Variants in KLHL25 observed in about 807,000 individuals in gnomAD.
The protein encoded by KLHL25 is kelch-like protein 25.
Under a neutral mutation model 30.0 loss-of-function variants are expected in KLHL25, and 41 were observed. The ratio of observed to expected loss-of-function variants is 1.37; its 90% CI spans 1.07 to 1.78. The LOEUF (loss-of-function observed/expected upper bound fraction) is 1.78. KLHL25 is among the 40% of genes most tolerant of loss of function. KLHL25 has a pLI of 0.00. For missense variants in KLHL25, 971 were observed against 824.5 expected (o/e 1.18, Z -2.18); for synonymous variants, 399 against 355.3 (o/e 1.12, Z -1.38).
At chr15:85,765,670 T>G in intron 2 of KLHL25, among the ~76,000 whole-genome samples, 1 of 109,768 alleles carries the variant, frequency 9.1e-6, no homozygotes, top group Non-Finnish European at 1.9e-5. Context: ...AGAAAAGCTG[T>G]AAAAGAAAAA....
Position 85,760,765 on chromosome 15 carries a change from T to TA in KLHL25, c.*270_*271insT, listed in dbSNP as rs1397964491. 1 of 152,446 alleles carries TA rather than the reference T, an allele frequency of 6.6e-6. No individual in the cohort carries two copies. Among genetic ancestry groups the TA allele is most frequent in the Non-Finnish European group, 1.5e-5 (1 of 68,202 alleles). The allele number at this position is 152,446 out of a possible 1,614,324, so 9.4% of individuals were successfully genotyped here. ...TTCTCCCCGACGCCAGGGTCAGTCC[T>TA]GGTGGCAGTCCATGCCCCTCTGGGA... is the stretch of plus-strand genomic sequence containing the variant. On this transcript the variant is annotated 3_prime_UTR_variant, in exon 3 of 3. Transcript: ENST00000337975.
intron 1 of KLHL25, among the ~76,000 whole-genome samples, chr15:85,773,325 C>A (rs1375739880): frequency 1.3e-5 from 2 of 152,206 alleles, no homozygotes; most frequent in Non-Finnish European, 2.9e-5. Flanking sequence ...ACCATGACTG[C>A]CAGCCCAGCC....
rs2089566735 is a variant in KLHL25, at chr15:85,759,652, C to T, written c.*1384G>A. On this transcript the variant is annotated 3_prime_UTR_variant, in exon 3 of 3. Transcript: ENST00000337975. The stretch of plus-strand genomic sequence containing the variant: ...GTGGGCAAACCCTGCCCAAAGGTCC[C>T]ACCCCCAAGAGGCCTCCAGGACCCG... 6.6e-6 allele frequency: 1 copy of T among 152,390 alleles called. No homozygotes were observed. The highest frequency in any genetic ancestry group is 2.4e-5 in the African/African-American group (1 of 41,476). The allele number at this position is 152,390 out of a possible 1,614,324, so 9.4% of individuals were successfully genotyped here. A position where few individuals can be genotyped will look rare whatever the true frequency, so the allele number is the denominator to read the frequency against.
intron 1 of KLHL25, among the ~76,000 whole-genome samples, chr15:85,785,270 T>G (rs1247994465): frequency 1.3e-5 from 2 of 152,028 alleles, no homozygotes; most frequent in African/African-American, 2.4e-5. Flanking sequence ...ATGTTTTGTA[T>G]TTTTAGTAGA....
rs1316017956 is a variant in KLHL25, at chr15:85,789,112, T to C, written c.-11+5654A>G. On this transcript the variant is annotated intron_variant, in intron 1 of 2. Coordinates refer to ENST00000337975, the MANE Select transcript of KLHL25 (RefSeq NM_022480.4). This position sits in a 1 kb window ranked among gnomAD's most constrained non-coding sequence, Gnocchi z 4.1. Reference sequence around the variant, plus strand: ...GGTCAGCCTCTCCTTGGGGGCCCAATGGGAACAGGCAAAAAATGTAAGCAA... The same window carrying C: ...GGTCAGCCTCTCCTTGGGGGCCCAACGGGAACAGGCAAAAAATGTAAGCAA... Among the ~76,000 whole-genome samples, 1 of 152,168 alleles carries C rather than the reference T, an allele frequency of 6.6e-6. No homozygotes were observed. Among genetic ancestry groups the C allele is most frequent in the Non-Finnish European group, 1.5e-5 (1 of 68,028 alleles).
chr15:85,765,331 T>TG (rs1567237282), intron 2 of KLHL25, among the ~76,000 whole-genome samples: 1 of 150,380 alleles, frequency 6.6e-6, no homozygotes, highest in Non-Finnish European at 1.5e-5. Context: ...GACAGCAGAT[T>TG]AAAAAAAAAG....
At chr15:85,793,998 C>G (rs2089834168) in intron 1 of KLHL25, among the ~76,000 whole-genome samples, 2 of 152,196 alleles carry the variant, frequency 1.3e-5, no homozygotes, top group South Asian at 4.1e-4. Context: ...TGGTATCTCC[C>G]GGGCACAATC....
At chr15:85,774,637 T>C (rs1320052603) in intron 1 of KLHL25, among the ~76,000 whole-genome samples, 2 of 152,122 alleles carry the variant, frequency 1.3e-5, no homozygotes, top group Admixed American at 1.3e-4. Context: ...GCTACAGCAC[T>C]AACCCCTTCC....
chr15:85,766,618 G>T (rs1455075040), intron 2 of KLHL25, among the ~76,000 whole-genome samples: 2 of 152,186 alleles, frequency 1.3e-5, no homozygotes, highest in African/African-American at 4.8e-5. Context: ...TCACTGCAGG[G>T]TCTGCAGGGC....
At chr15:85,767,206 G>T (rs1055742370) in intron 2 of KLHL25, among the ~76,000 whole-genome samples, 2 of 152,078 alleles carry the variant, frequency 1.3e-5, no homozygotes, top group South Asian at 4.1e-4. Context: ...AGCCAGGATG[G>T]TCTCGATCTC....
intron 1 of KLHL25, among the ~76,000 whole-genome samples, chr15:85,774,864 ATTC>A (rs1356143491): frequency 6.8e-6 from 1 of 146,540 alleles, no homozygotes; most frequent in Non-Finnish European, 1.5e-5. Flanking sequence ...CCGCAGTGCG[ATTC>A]TTTTTTTCTT....
intron 1 of KLHL25, chr15:85,770,530 A>T (rs368691339): frequency 1.9e-6 from 1 of 534,442 alleles, no homozygotes; most frequent in South Asian, 1.4e-5. Flanking sequence ...CAGTGGAGAC[A>T]TGTTCTCTGA....
chr15:85,768,770 G>GC lies in KLHL25; in HGVS notation c.1040dup (p.Arg348GlnfsTer19), dbSNP rs760548052. 3 of 1,612,974 alleles carry GC rather than the reference G, an allele frequency of 1.9e-6. No individual in the cohort carries two copies. The highest frequency in any genetic ancestry group is 2.2e-5 in the South Asian group (2 of 91,078). On this transcript the variant is annotated frameshift_variant, in exon 2 of 3. Coordinates refer to ENST00000337975, the MANE Select transcript of KLHL25 (RefSeq NM_022480.4). LOFTEE classifies it high-confidence loss of function. ...TGGAGACCCCGTTCTCGGAGCCCCT[G>GC]CCCCCCGTCACATAGACCTTGCAGC...
intron 1 of KLHL25, chr15:85,770,578 G>A (rs760420472): frequency 1.9e-6 from 1 of 532,342 alleles, no homozygotes; most frequent in Non-Finnish European, 3.9e-6. Context: ...CCTAGCTGGG[G>A]CAAGTGATGG....
chr15:85,771,441 G>C (rs1409656588), intron 1 of KLHL25, among the ~76,000 whole-genome samples: 2 of 152,224 alleles, frequency 1.3e-5, no homozygotes, highest in African/African-American at 4.8e-5. Flanking sequence ...GGTAGGAAAC[G>C]ATTTCATGCT....
At chr15:85,770,415 A>G in intron 1 of KLHL25, 1 of 497,730 alleles carries the variant, frequency 2.0e-6, no homozygotes, top group Non-Finnish European at 4.1e-6. Context: ...TCACGTACCC[A>G]CTTCCCTGCT....
chr15:85,768,287 G>C lies in KLHL25; in HGVS notation c.1524C>G (p.Ala508=), dbSNP rs2089638159. The change falls in exon 2 of 3, where the codon GCC becomes GCG. Residue 508 remains alanine, a synonymous_variant. Transcript: ENST00000337975. ...GGTTGGTCTCACAGTCAAAGCGGTA[G>C]GCCGAGGCGGCTGTGAATTCCGTGT... ...GGDTEFTAAS[A]YRFDCETNQW... is the part of the protein sequence containing the mutation. 8.1e-6 allele frequency: 13 copies of C among 1,614,082 alleles called. No homozygotes were observed. The highest frequency in any genetic ancestry group is 1.1e-5 in the Non-Finnish European group (13 of 1,180,042).
At chr15:85,771,989 C>G (rs1185440059) in intron 1 of KLHL25, among the ~76,000 whole-genome samples, 1 of 152,148 alleles carries the variant, frequency 6.6e-6, no homozygotes, top group African/African-American at 2.4e-5. Flanking sequence ...TCGGAATTGC[C>G]TAATCTGAAT....
chr15:85,788,042 G>C (rs1018591142), intron 1 of KLHL25, among the ~76,000 whole-genome samples: 5 of 113,038 alleles, frequency 4.4e-5, no homozygotes, highest in Non-Finnish European at 7.3e-5. Flanking sequence ...GGCAATGAGA[G>C]GGAAACTAGA....
Sources: allele counts gnomAD v4.1 joint callset (sites outside exome capture counted in the v4.1 genomes callset), GRCh38; gene constraint gnomAD v4.1.1; non-coding constraint Gnocchi (gnomAD v3.1); transcripts MANE v1.5; gene names NCBI Gene and HGNC (gene_info 2026-07-23, HGNC 2026-07-21).